The following TG variants were observed in gnomAD, a reference collection of about 807,000 sequenced individuals.
TG encodes thyroglobulin, also known as thyroid hormones.
A neutral mutation model predicts 324.7 loss-of-function variants in TG; 270 were observed. That is an observed-to-expected ratio of 0.83 (90% CI 0.75 to 0.92). TG has a LOEUF of 0.92. TG is among the 40% of genes least tolerant of loss of function. The probability of loss-of-function intolerance (pLI) is 0.00; values close to 1 mark genes in which losing one functional copy is unlikely to be tolerated. For synonymous variants in TG, 1,401 were observed against 1,327.0 expected (o/e 1.06, Z -1.21); for missense variants, 3,591 against 3,456.4 (o/e 1.04, Z -0.98).
chr8:132,897,735 C>T lies in TG; in HGVS notation c.3088C>T (p.Gln1030Ter). ...ALLRSGPYMP[Q>*]CDAFGSWEPV... is the part of the protein sequence containing the mutation. ...TCTGCGGTCGGGCCCCTACATGCCA[C>T]AGTGTGATGCGTTTGGAAGTTGGGA... is the stretch of plus-strand genomic sequence containing the variant. The change falls in exon 12 of 48, where the codon CAG (glutamine) becomes TAG (stop). Residue 1030 changes from glutamine (Q) to a stop codon, truncating the protein, a stop_gained. Coordinates refer to ENST00000220616, the MANE Select transcript of TG (RefSeq NM_003235.5). LOFTEE classifies it high-confidence loss of function. 1 of 1,614,238 alleles carries T rather than the reference C, an allele frequency of 6.2e-7. No individual in the cohort carries two copies. The highest frequency in any genetic ancestry group is 1.1e-5 in the South Asian group (1 of 91,088).
intron 41 of TG, chr8:133,049,511 G>C (rs936270272): frequency 3.8e-5 from 11 of 287,904 alleles, no homozygotes; most frequent in African/African-American, 1.7e-4. Flanking sequence ...AAAGGGAACT[G>C]ATGCATAAAA....
chr8:133,086,187 C>T (rs1846531911), intron 41 of TG, among the ~76,000 whole-genome samples: 1 of 152,122 alleles, frequency 6.6e-6, no homozygotes, highest in African/African-American at 2.4e-5. Flanking sequence ...TAGTGATGGC[C>T]TGCGGCTGGG....
At chr8:132,964,966 G>A (rs1376939885) in intron 29 of TG, 1 of 701,890 alleles carries the variant, frequency 1.4e-6, no homozygotes, top group Non-Finnish European at 2.6e-6. Context: ...CAGGTAAGGG[G>A]AACACCTGTG....
chr8:133,059,216 C>A (rs1242644739), intron 41 of TG: 1 of 445,886 alleles, frequency 2.2e-6, no homozygotes, highest in Non-Finnish European at 4.5e-6. Flanking sequence ...GGACACCAGG[C>A]CCCAAATGCT....
chr8:133,068,469 A>T (rs577194606), intron 41 of TG, among the ~76,000 whole-genome samples: 1 of 152,366 alleles, frequency 6.6e-6, no homozygotes, highest in South Asian at 2.1e-4. Context: ...AGGCCTGTCA[A>T]TGCTGGGGCA....
chr8:132,948,470 A>G (rs746014350), intron 26 of TG, among the ~76,000 whole-genome samples: 14 of 152,168 alleles, frequency 9.2e-5, no homozygotes, highest in Non-Finnish European at 2.1e-4. Flanking sequence ...TCTGGCAGTG[A>G]TGCCCCCAGG....
At chr8:132,894,800 T>A (rs1266257134) in intron 11 of TG, among the ~76,000 whole-genome samples, 2 of 152,218 alleles carry the variant, frequency 1.3e-5, no homozygotes, top group Non-Finnish European at 2.9e-5. Flanking sequence ...AGCAGGCACT[T>A]ACTGTGCTAA....
intron 41 of TG, among the ~76,000 whole-genome samples, chr8:133,069,562 C>T (rs1843635080): frequency 1.3e-5 from 2 of 152,274 alleles, no homozygotes; most frequent in Admixed American, 6.5e-5. Context: ...GGTCACAATT[C>T]GACGGTCATT....
chr8:133,114,625 A>G (rs1053166261), intron 44 of TG, among the ~76,000 whole-genome samples: 6 of 152,194 alleles, frequency 3.9e-5, no homozygotes, highest in African/African-American at 7.2e-5. Context: ...CAGGTGACGC[A>G]TCTTGGTTTT....
chr8:133,115,430 G>A (rs1457486226), intron 44 of TG, among the ~76,000 whole-genome samples: 2 of 152,146 alleles, frequency 1.3e-5, no homozygotes, highest in Non-Finnish European at 1.5e-5. Flanking sequence ...GGGAAACTCA[G>A]TTGGCTTCAT....
rs527584969 is a variant in TG at position 133,058,088 on chromosome 8, T to C, written c.7239+28065T>C. On this transcript the variant is annotated intron_variant, in intron 41 of 47. Transcript: ENST00000220616. ...AGCAGCCATAGGAGCTTGAGCTGAG[T>C]AGCAGCTCATTCCATAAAAACTCTG... Among the ~76,000 whole-genome samples, 220 of 152,268 alleles carry C rather than the reference T, an allele frequency of 1.4e-3. 1 individual carries two copies. Among genetic ancestry groups the C allele is most frequent in the African/African-American group, 5.0e-3 (206 of 41,550 alleles).
At position 132,900,265 on chromosome 8, in the gene TG, C is replaced by A. The variant is rs776709128; in HGVS notation, c.3359C>A (p.Ser1120Ter). ...GGAGAGTATGCCAGGCTGCAGGCAT[C>A]GGGGGCTGGCACCTGGTGTGTGGAC... Reference protein sequence around the residue: ...ETGEYARLQASGAGTWCVDPA... With the variant: ...ETGEYARLQA Residue 1120 changes from serine to a stop codon, truncating the protein, a stop_gained, in exon 15 of 48, where the codon TCG becomes TAG. Coordinates refer to ENST00000220616, the MANE Select transcript of TG (RefSeq NM_003235.5). LOFTEE classifies it high-confidence loss of function. 3 of 1,613,988 alleles carry A rather than the reference C, an allele frequency of 1.9e-6. No homozygotes were observed. The highest frequency in any genetic ancestry group is 2.5e-6 in the Non-Finnish European group (3 of 1,179,976).
chr8:132,935,852 TA>T lies in TG; in HGVS notation c.5030del (p.Tyr1677PhefsTer2). On this transcript the variant is annotated frameshift_variant, in exon 25 of 48. Transcript: ENST00000220616. LOFTEE classifies it high-confidence loss of function. ...RSHGQDSPAV[Y>X]LKKGQGSTTT... is the part of the protein sequence containing the mutation. Reference sequence around the variant, plus strand: ...CCATGGTCAAGATTCTCCAGCTGTGTATTTGAAAAAGGGTAGGTTGGTCAGG... The same window carrying T: ...CCATGGTCAAGATTCTCCAGCTGTGTTTTGAAAAAGGGTAGGTTGGTCAGG... 6.2e-7 allele frequency: 1 copy of T among 1,612,262 alleles called. No individual in the cohort carries two copies. Among genetic ancestry groups the T allele is most frequent in the Admixed American group, 1.7e-5 (1 of 60,024 alleles).
At chr8:133,108,891 C>T (rs1005542616) in intron 43 of TG, among the ~76,000 whole-genome samples, 2 of 152,286 alleles carry the variant, frequency 1.3e-5, no homozygotes, top group South Asian at 2.1e-4. Context: ...TGGTTTAGCC[C>T]GGGACAGGTT....
chr8:132,936,903 C>T (rs1823690551), intron 25 of TG, among the ~76,000 whole-genome samples: 1 of 152,176 alleles, frequency 6.6e-6, no homozygotes. Flanking sequence ...TGTGTGGAAC[C>T]CCTCCTCTGC....
chr8:133,103,555 A>G (rs1849525330), intron 43 of TG, among the ~76,000 whole-genome samples: 1 of 152,230 alleles, frequency 6.6e-6, no homozygotes, highest in Non-Finnish European at 1.5e-5. Context: ...TATAAGGATG[A>G]ATGTAAACCA....
intron 35 of TG, among the ~76,000 whole-genome samples, chr8:133,008,689 C>T (rs900202436): frequency 6.6e-6 from 1 of 152,228 alleles, no homozygotes; most frequent in Admixed American, 6.5e-5. Flanking sequence ...AGCGCTACCA[C>T]TTAATTAGCC....
chr8:133,069,596 C>T (rs180765028), intron 41 of TG, among the ~76,000 whole-genome samples: 96 of 152,188 alleles, frequency 6.3e-4, no homozygotes, highest in African/African-American at 2.2e-3. Context: ...GGTGAGTGAC[C>T]GTCTCCCCTA....
rs780516624 is a variant in TG at position 132,961,102 on chromosome 8, G to A, written c.5467+29G>A. The A allele has an allele frequency of 9.3e-6, 15 of 1,609,606 alleles. No homozygotes were observed. The East Asian group carries it at 2.9e-4, about 31-fold the overall frequency. On this transcript the variant is annotated intron_variant, in intron 28 of 47. Coordinates refer to ENST00000220616, the MANE Select transcript of TG (RefSeq NM_003235.5). The stretch of plus-strand genomic sequence containing the variant: ...AGCTCCGTGGTGGAAGAGGGGGTTA[G>A]CAGGACGCTGATTACATGAGATTGT...
Sources: allele counts gnomAD v4.1 joint callset (sites outside exome capture counted in the v4.1 genomes callset), GRCh38; gene constraint gnomAD v4.1.1; transcripts MANE v1.5; gene names NCBI Gene and HGNC (gene_info 2026-07-23, HGNC 2026-07-21).